Variants in PIK3R4 observed in about 807,000 individuals in gnomAD.
PIK3R4 encodes the protein phosphoinositide-3-kinase regulatory subunit 4.
A neutral mutation model predicts 136.5 loss-of-function variants in PIK3R4; 46 were observed. That is an observed-to-expected ratio of 0.34 (90% CI 0.27 to 0.43). The LOEUF (loss-of-function observed/expected upper bound fraction) is 0.43, where lower values mean the gene tolerates loss of function less well. Ranked by LOEUF, PIK3R4 falls within the 20% of genes least tolerant of loss-of-function variation. The pLI is 1.00. For missense variants in PIK3R4, 1,331 were observed against 1,649.5 expected (o/e 0.81, Z 3.35); for synonymous variants, 557 against 566.7 (o/e 0.98, Z 0.24).
chr3:130,703,638 A>AAAAT, intron 13 of PIK3R4, 85 bp downstream of exon 13: 4 of 1,016,646 alleles, frequency 3.9e-6, no homozygotes, highest in Non-Finnish European at 5.9e-6. Context: ...CTGGTACCCA[A>AAAAT]AACAGTGGTT....
At chr3:130,734,297 A>T (rs2066774503) in intron 3 of PIK3R4, among the ~76,000 whole-genome samples, 167 bp from the exon 4 acceptor site, 1 of 152,186 alleles carries the variant, frequency 6.6e-6, no homozygotes, top group Admixed American at 6.5e-5. Flanking sequence ...ATTATATACA[A>T]ATATATTACA....
chr3:130,694,205 A>G (rs1165282936), intron 13 of PIK3R4, among the ~76,000 whole-genome samples: 1 of 152,118 alleles, frequency 6.6e-6, no homozygotes, highest in Non-Finnish European at 1.5e-5. Flanking sequence ...GAAATACAGA[A>G]GTGTGAGTCC....
chr3:130,686,325 G>A lies in PIK3R4; in HGVS notation c.3361C>T (p.Leu1121=). 2 of 1,613,144 alleles carry A rather than the reference G, an allele frequency of 1.2e-6. No individual in the cohort carries two copies. The highest frequency in any genetic ancestry group is 1.7e-6 in the Non-Finnish European group (2 of 1,179,174). ...GAAGACCTAAGGTCCCAGCCAACCA[G>A]AGAGCCATTCACAGTGGCATAGGCA... The part of the protein sequence containing the change: ...VLAYATVNGS[L]VGWDLRSSSN... The change falls in exon 15 of 20, where the codon CTG becomes TTG. Residue 1121 remains leucine (L), a synonymous_variant. Transcript: ENST00000356763.
intron 7 of PIK3R4, among the ~76,000 whole-genome samples, chr3:130,722,196 T>C (rs1422841404): frequency 6.6e-6 from 1 of 152,182 alleles, no homozygotes; most frequent in Non-Finnish European, 1.5e-5. Flanking sequence ...GAAATGACTG[T>C]TTACTTGATT....
Position 130,679,237 on chromosome 3 carries a change from T to C in PIK3R4, c.*78A>G. On this transcript the variant is annotated 3_prime_UTR_variant, in exon 20 of 20. Transcript: ENST00000356763. Reference sequence around the variant, plus strand: ...TAATTTTGAAAATTAAGCAAATGAATCTGTTCTCTAGAAATGCCTTTTCTC... The same window carrying C: ...TAATTTTGAAAATTAAGCAAATGAACCTGTTCTCTAGAAATGCCTTTTCTC... 3.4e-6 allele frequency: 3 copies of C among 873,412 alleles called. No individual in the cohort carries two copies. The highest frequency in any genetic ancestry group is 4.9e-6 in the Non-Finnish European group (3 of 616,296). The allele number at this position is 873,412 out of a possible 1,614,324, so 54.1% of individuals were successfully genotyped here.
Position 130,744,726 on chromosome 3 carries a change from T to G in PIK3R4, c.493A>C (p.Thr165Pro), listed in dbSNP as rs2066843257. 1 of 1,614,120 alleles carries G rather than the reference T, an allele frequency of 6.2e-7. No individual in the cohort carries two copies. The highest frequency in any genetic ancestry group is 1.3e-5 in the African/African-American group (1 of 74,938). Residue 165 changes from threonine (T) to proline (P), a missense_variant, in exon 2 of 20, where the codon ACT becomes CCT. Coordinates refer to ENST00000356763, the MANE Select transcript of PIK3R4 (RefSeq NM_014602.3). ...MVTSWNWVLL[T>P]DFASFKPTYL... ...GTGGGCTTAAAACTGGCAAAATCAG[T>G]TAGAAGAACCCAATTCCAACTGGTG...
At chr3:130,714,527 C>T (rs577456077) in intron 9 of PIK3R4, among the ~76,000 whole-genome samples, 1 of 152,154 alleles carries the variant, frequency 6.6e-6, no homozygotes, top group Non-Finnish European at 1.5e-5. Context: ...GCAGAATGTG[C>T]AGGTTTGTTA....
At position 130,714,358 on chromosome 3, in the gene PIK3R4, T is replaced by A. The variant is rs537430771; in HGVS notation, c.2331+2038A>T. ...TATCTTGGCTTCCCTAAGTTCCACATACCCCTCATAAAACAAGATGTACAT... is the reference window on the plus strand; with the variant it reads ...TATCTTGGCTTCCCTAAGTTCCACAAACCCCTCATAAAACAAGATGTACAT... On this transcript the variant is annotated intron_variant, in intron 9 of 19. Transcript: ENST00000356763. Among the ~76,000 whole-genome samples the A allele has an allele frequency of 2.4e-3, 370 of 152,302 alleles. 1 individual carries two copies. The highest frequency in any genetic ancestry group is 8.2e-3 in the African/African-American group (342 of 41,566).
chr3:130,686,732 A>T (rs2108515965), intron 14 of PIK3R4, among the ~76,000 whole-genome samples: 1 of 152,262 alleles, frequency 6.6e-6, no homozygotes, highest in African/African-American at 2.4e-5. Context: ...ACGTGTTCTG[A>T]TTTTATCAGT....
At chr3:130,692,040 A>T (rs187668251) in intron 13 of PIK3R4, among the ~76,000 whole-genome samples, 32 of 151,434 alleles carry the variant, frequency 2.1e-4, no homozygotes, top group African/African-American at 7.8e-4. Flanking sequence ...ACACCCAGCT[A>T]ATTTTTTTGT....
At chr3:130,712,181 CAT>C (rs2066636321) in intron 9 of PIK3R4, among the ~76,000 whole-genome samples, 2 of 152,080 alleles carry the variant, frequency 1.3e-5, no homozygotes, top group African/African-American at 4.8e-5. Context: ...GAACTACTAA[CAT>C]ATTTTCCCAT....
At position 130,705,767 on chromosome 3, in the gene PIK3R4, G is replaced by C. The variant is rs368852181; in HGVS notation, c.2726C>G (p.Pro909Arg). 6.3e-7 allele frequency: 1 copy of C among 1,588,402 alleles called. No homozygotes were observed. The highest frequency in any genetic ancestry group is 1.3e-5 in the African/African-American group (1 of 74,302). ...TTTATTTTGGACAGTTGTCACTTCT[G>C]GAACCTACAAAACAAATAGAATTCT... ...CVPLSTSSQV[P>R]EVTTVQNKKP... The change falls in exon 12 of 20, where the codon CCA (proline) becomes CGA (arginine). Residue 909 changes from proline (P) to arginine (R), a missense_variant. This residue lies in a region of PIK3R4 where 1,180 missense variants were observed against 1,407.0 expected (regional missense o/e 0.84). Transcript: ENST00000356763.
intron 5 of PIK3R4, 110 bp from the exon 6 acceptor site, chr3:130,728,794 G>T: frequency 1.4e-6 from 1 of 706,594 alleles, no homozygotes; most frequent in Non-Finnish European, 2.2e-6. Context: ...TCATCAGAGA[G>T]ACTGATTACA....
chr3:130,692,236 T>C (rs1443557046), intron 13 of PIK3R4, among the ~76,000 whole-genome samples: 7 of 152,168 alleles, frequency 4.6e-5, no homozygotes, highest in Non-Finnish European at 1.0e-4. Flanking sequence ...GATTTTAAAG[T>C]GCATAATTCA....
At chr3:130,696,083 C>A (rs1161790899) in intron 13 of PIK3R4, among the ~76,000 whole-genome samples, 2 of 152,046 alleles carry the variant, frequency 1.3e-5, no homozygotes, top group Non-Finnish European at 2.9e-5. Context: ...TCATGGTATT[C>A]CTTTCATAGT....
At position 130,708,295 on chromosome 3, in the gene PIK3R4, T is replaced by A. The variant is rs908662999; in HGVS notation, c.2529A>T (p.Lys843Asn). 8.1e-6 allele frequency: 13 copies of A among 1,612,888 alleles called. No individual in the cohort carries two copies. Among genetic ancestry groups the A allele is most frequent in the Non-Finnish European group, 1.1e-5 (13 of 1,179,136 alleles). The change falls in exon 10 of 20, where the codon AAA (lysine) becomes AAT (asparagine). Residue 843 changes from lysine (K) to asparagine (N), a missense_variant. Coordinates refer to ENST00000356763, the MANE Select transcript of PIK3R4 (RefSeq NM_014602.3). ...CACACAAACAAGCATACTAACCCCGTTTGTCATCTGGTTCTTGTTTGGTTT... is the reference window on the plus strand; with the variant it reads ...CACACAAACAAGCATACTAACCCCGATTGTCATCTGGTTCTTGTTTGGTTT... ...LVKTKQEPDDKRARKHVKQDS... is the reference protein window; with the variant it reads ...LVKTKQEPDDNRARKHVKQDS...
At chr3:130,732,741 T>C (rs1160413872) in intron 4 of PIK3R4, among the ~76,000 whole-genome samples, 2 of 151,984 alleles carry the variant, frequency 1.3e-5, no homozygotes, top group African/African-American at 2.4e-5. Flanking sequence ...TTTTCACATG[T>C]TTCATTAAAA....
intron 4 of PIK3R4, among the ~76,000 whole-genome samples, chr3:130,732,480 T>G (rs865783338): frequency 1.3e-4 from 20 of 152,250 alleles, no homozygotes; most frequent in Admixed American, 6.5e-5. Context: ...GGTTCAATTA[T>G]TTAATTTATA....
chr3:130,680,946 T>A, intron 18 of PIK3R4, 31 bp downstream of exon 18: 1 of 1,079,744 alleles, frequency 9.3e-7, no homozygotes, highest in Non-Finnish European at 1.4e-6. Context: ...TGTAAAAGTA[T>A]CCATTTTATT....
Sources: allele counts gnomAD v4.1 joint callset (sites outside exome capture counted in the v4.1 genomes callset), GRCh38; gene constraint gnomAD v4.1.1; regional missense constraint gnomAD v4.1.1; transcripts MANE v1.5; gene names NCBI Gene and HGNC (gene_info 2026-07-23, HGNC 2026-07-21).